Variants in CADPS observed in about 807,000 individuals in gnomAD.
CADPS encodes the protein calcium dependent secretion activator.
A neutral mutation model predicts 167.3 loss-of-function variants in CADPS; 57 were observed. The ratio of observed to expected loss-of-function variants is 0.34; its 90% confidence interval spans 0.28 to 0.42. CADPS has a LOEUF of 0.42. Among genes scored for constraint, CADPS ranks in the 20% least tolerant of loss-of-function variants. The pLI is 1.00. For synonymous variants in CADPS, 676 were observed against 635.3 expected (o/e 1.06, Z -0.96); for missense variants, 1,414 against 1,738.1 (o/e 0.81, Z 3.32).
intron 3 of CADPS, among the ~76,000 whole-genome samples, chr3:62,718,625 G>A (rs544673539): frequency 1.3e-5 from 2 of 152,308 alleles, no homozygotes; most frequent in South Asian, 2.1e-4. Flanking sequence ...GGTGGGCTCA[G>A]TAGGTTGAGT....
intron 5 of CADPS, among the ~76,000 whole-genome samples, chr3:62,649,642 C>G (rs2069551462): frequency 7.3e-6 from 1 of 137,736 alleles, no homozygotes; most frequent in Non-Finnish European, 1.5e-5. Flanking sequence ...CTCACTGCAG[C>G]CTTGATCTCC....
At chr3:62,871,187 C>G (rs2082569504) in intron 1 of CADPS, among the ~76,000 whole-genome samples, 1 of 151,940 alleles carries the variant, frequency 6.6e-6, no homozygotes, top group African/African-American at 2.4e-5. Flanking sequence ...AAGTAATTAC[C>G]AAAATTATCC....
At chr3:62,579,652 C>T (rs1454539888) in intron 8 of CADPS, among the ~76,000 whole-genome samples, 1 of 152,016 alleles carries the variant, frequency 6.6e-6, no homozygotes, top group African/African-American at 2.4e-5. Context: ...TACTTTGTGC[C>T]TAGGAGGAAA....
At chr3:62,640,499 T>C (rs984554808) in intron 6 of CADPS, among the ~76,000 whole-genome samples, 2 of 152,180 alleles carry the variant, frequency 1.3e-5, no homozygotes, top group African/African-American at 4.8e-5. Flanking sequence ...TTTGGTTTTG[T>C]CTTTTGTCTC....
At chr3:62,818,597 T>C (rs998509846) in intron 1 of CADPS, among the ~76,000 whole-genome samples, 25 of 152,294 alleles carry the variant, frequency 1.6e-4, no homozygotes, top group Admixed American at 1.4e-3. Flanking sequence ...GATGTGTAAA[T>C]AGCACAACCA....
At chr3:62,549,790 C>T (rs2077040645) in intron 11 of CADPS, 113 bp downstream of exon 11, 2 of 829,650 alleles carry the variant, frequency 2.4e-6, no homozygotes, top group South Asian at 1.8e-5. Context: ...ATGTTTTCAG[C>T]AAACATGATT....
rs540675108 is a variant in CADPS, at chr3:62,770,485, G to T, written c.442-4501C>A. 1.8e-4 allele frequency among the ~76,000 whole-genome samples: 27 copies of T among 152,234 alleles called. No individual in the cohort carries two copies. In the South Asian group the frequency reaches 3.7e-3, roughly 21 times the overall value. ...CTGTTGCCCAGGCTGGAGTGCAGTG[G>T]TGCCATGTCAGCCCACTGCAAACTC... is the stretch of plus-strand genomic sequence containing the variant. On this transcript the variant is annotated intron_variant, in intron 1 of 29. Transcript: ENST00000383710.
chr3:62,591,616 C>A (rs557570013), intron 7 of CADPS, among the ~76,000 whole-genome samples: 1 of 152,126 alleles, frequency 6.6e-6, no homozygotes, highest in Non-Finnish European at 1.5e-5. Flanking sequence ...GATTTTACCA[C>A]AAGCAGGTGG....
At chr3:62,783,129 A>G (rs2091957594) in intron 1 of CADPS, among the ~76,000 whole-genome samples, 1 of 152,174 alleles carries the variant, frequency 6.6e-6, no homozygotes, top group African/African-American at 2.4e-5. Context: ...AAAAGAAAAC[A>G]AACGCTAAAA....
intron 1 of CADPS, among the ~76,000 whole-genome samples, chr3:62,849,213 C>A (rs543495157): frequency 8.7e-5 from 13 of 149,170 alleles, no homozygotes; most frequent in Non-Finnish European, 1.3e-4. Context: ...ACAATCATGT[C>A]GTCTGCAAAC....
At chr3:62,486,745 G>T (rs188865711) in intron 21 of CADPS, among the ~76,000 whole-genome samples, 1 of 152,346 alleles carries the variant, frequency 6.6e-6, no homozygotes, top group Non-Finnish European at 1.5e-5. Context: ...TATTGAAGTG[G>T]TAGTGTAAAA....
chr3:62,809,198 T>C (rs2094270577), intron 1 of CADPS, among the ~76,000 whole-genome samples: 1 of 152,154 alleles, frequency 6.6e-6, no homozygotes. Flanking sequence ...TCATACTTTC[T>C]AGATGTTAGT....
At chr3:62,807,396 G>A (rs771674601) in intron 1 of CADPS, among the ~76,000 whole-genome samples, 1 of 151,716 alleles carries the variant, frequency 6.6e-6, no homozygotes, top group Non-Finnish European at 1.5e-5. Flanking sequence ...CAAGTAGCTG[G>A]GATTACAGGT....
At chr3:62,535,814 C>T (rs2074576359) in intron 12 of CADPS, among the ~76,000 whole-genome samples, 1 of 151,826 alleles carries the variant, frequency 6.6e-6, no homozygotes, top group Admixed American at 6.6e-5. Context: ...TCATTTAAAT[C>T]TAGCTTTAAA....
At chr3:62,582,707 T>A (rs1343527007) in intron 8 of CADPS, among the ~76,000 whole-genome samples, 2 of 152,224 alleles carry the variant, frequency 1.3e-5, no homozygotes, top group Non-Finnish European at 2.9e-5. Context: ...TTTTAAGCTC[T>A]CTTGGTGTAT....
intron 1 of CADPS, among the ~76,000 whole-genome samples, chr3:62,782,240 G>A (rs907642053): frequency 1.4e-4 from 22 of 152,148 alleles, no homozygotes; most frequent in African/African-American, 9.7e-5. Flanking sequence ...CCTCTCTAAA[G>A]TTTAACATCA....
At chr3:62,463,498 T>C (rs879758661) in intron 26 of CADPS, among the ~76,000 whole-genome samples, 1 of 152,204 alleles carries the variant, frequency 6.6e-6, no homozygotes, top group Non-Finnish European at 1.5e-5. Flanking sequence ...TATTTCCCAC[T>C]CATGTGCCCT....
chr3:62,599,110 A>G (rs912656330), intron 6 of CADPS, among the ~76,000 whole-genome samples: 27 of 152,108 alleles, frequency 1.8e-4, no homozygotes, highest in African/African-American at 6.5e-4. Context: ...AAAGTGTCCC[A>G]GAACTGAAAT....
intron 1 of CADPS, among the ~76,000 whole-genome samples, chr3:62,856,324 A>C (rs892367227): frequency 6.6e-6 from 1 of 152,150 alleles, no homozygotes; most frequent in Non-Finnish European, 1.5e-5. Flanking sequence ...AACTACAAAA[A>C]TAAATTGAGG....
Sources: allele counts gnomAD v4.1 joint callset (sites outside exome capture counted in the v4.1 genomes callset), GRCh38; gene constraint gnomAD v4.1.1; transcripts MANE v1.5; gene names NCBI Gene and HGNC (gene_info 2026-07-23, HGNC 2026-07-21).